The following GRIA3 variants were observed in gnomAD, a reference collection of about 807,000 sequenced individuals.
The protein encoded by GRIA3 is glutamate ionotropic receptor AMPA type subunit 3.
In GRIA3, 3 loss-of-function variants were observed where a neutral mutation model predicts 63.0. That is an observed-to-expected ratio of 0.05 (90% CI 0.02 to 0.12). GRIA3 has a LOEUF of 0.12. GRIA3 is among the 10% of genes least tolerant of loss of function. The pLI is 1.00. For missense variants in GRIA3, 347 were observed against 700.9 expected (o/e 0.50, Z 5.70); for synonymous variants, 274 against 257.9 (o/e 1.06, Z -0.60).
chrX:123,377,644 C>T (rs1250804767), intron 5 of GRIA3, among the ~76,000 whole-genome samples: 4 of 112,032 alleles, frequency 3.6e-5, no homozygotes, highest in Non-Finnish European at 7.5e-5. Flanking sequence ...AGTGAAATTC[C>T]TTAAAATAAT....
chrX:123,426,162 G>A (rs186238021), intron 11 of GRIA3, among the ~76,000 whole-genome samples: 57 of 111,560 alleles, frequency 5.1e-4, no homozygotes, highest in African/African-American at 1.3e-3. Context: ...AGAACATAGC[G>A]TAACTAGGAT....
Position 123,273,212 on chromosome X carries a change from C to T in GRIA3, c.508+19670C>T, listed in dbSNP as rs970956358. On this transcript the variant is annotated intron_variant, in intron 3 of 15. Transcript: ENST00000620443. Reference sequence around the variant, plus strand: ...TGATATTCCTAGCTTTCTTGTGGGACCATCTTCCCCTCTCAAGGAGAACAG... The same window carrying T: ...TGATATTCCTAGCTTTCTTGTGGGATCATCTTCCCCTCTCAAGGAGAACAG... Among the ~76,000 whole-genome samples the T allele has an allele frequency of 4.5e-5, 5 of 111,695 alleles. No homozygotes were observed. In the East Asian group the frequency reaches 1.4e-3, roughly 32 times the overall value.
At chrX:123,377,534 C>T (rs1439385342) in intron 5 of GRIA3, among the ~76,000 whole-genome samples, 1 of 112,349 alleles carries the variant, frequency 8.9e-6, no homozygotes, top group East Asian at 2.8e-4. Flanking sequence ...TTAAAATTAT[C>T]TCTGTAACAT....
intron 2 of GRIA3, among the ~76,000 whole-genome samples, chrX:123,246,898 C>T (rs1277319707): frequency 9.6e-6 from 1 of 104,270 alleles, no homozygotes; most frequent in Non-Finnish European, 2.0e-5. Flanking sequence ...AAAAAAACCA[C>T]GAGTTGTCTA....
chrX:123,456,798 G>C (rs748976062), intron 12 of GRIA3, among the ~76,000 whole-genome samples: 1 of 111,333 alleles, frequency 9.0e-6, no homozygotes, highest in Non-Finnish European at 1.9e-5. Flanking sequence ...AATTCTGTGA[G>C]GCAACATTTG....
intron 5 of GRIA3, among the ~76,000 whole-genome samples, chrX:123,362,513 C>A (rs4825857): frequency 0.38 from 42,169 of 109,812 alleles, 6,144 homozygotes; most frequent in Middle Eastern, 0.55. Context: ...AGTCAGAAGG[C>A]AATTTTGGGT....
At chrX:123,365,124 T>C (rs763342820) in intron 5 of GRIA3, among the ~76,000 whole-genome samples, 23 of 111,984 alleles carry the variant, frequency 2.1e-4, no homozygotes, top group Admixed American at 9.5e-4. Flanking sequence ...CCTTAAAAAA[T>C]TGTAGGTAAG....
chrX:123,490,069 T>TA lies in GRIA3; in HGVS notation c.*1360dup, dbSNP rs1048287530. 2 of 112,045 alleles carry TA rather than the reference T, an allele frequency of 1.8e-5. No homozygotes were observed. Among genetic ancestry groups the TA allele is most frequent in the African/African-American group, 6.5e-5 (2 of 30,755 alleles). The allele number at this position is 112,045 out of a possible 1,213,427, so 9.2% of individuals were successfully genotyped here. A position where few individuals can be genotyped will look rare whatever the true frequency, so the allele number is the denominator to read the frequency against. Reference sequence around the variant, plus strand: ...GCATCATCAGAACAGTCCGAAGAAATAGTCTCCACTCACTAATTACCTCCT... The same window carrying TA: ...GCATCATCAGAACAGTCCGAAGAAATAAGTCTCCACTCACTAATTACCTCCT... On this transcript the variant is annotated 3_prime_UTR_variant, in exon 16 of 16. Coordinates refer to ENST00000620443, the MANE Select transcript of GRIA3 (RefSeq NM_007325.5).
rs1229083772 is a variant in GRIA3, at chrX:123,476,129, T to TAATA, written c.2325-3932_2325-3931insTAAA. Among the ~76,000 whole-genome samples the TAATA allele has an allele frequency of 3.6e-5, 4 of 111,654 alleles. 1 individual carries two copies. Among genetic ancestry groups the TAATA allele is most frequent in the Non-Finnish European group, 7.5e-5 (4 of 53,156 alleles). On this transcript the variant is annotated intron_variant, in intron 13 of 15. Transcript: ENST00000620443. ...AGTTATTGATTTGACAAGTATTTAT[T>TAATA]AAGAAAAATATCCTAAATGGAGATA...
chrX:123,233,658 G>A (rs2044287404), intron 2 of GRIA3, among the ~76,000 whole-genome samples: 1 of 111,753 alleles, frequency 8.9e-6, no homozygotes, highest in African/African-American at 3.3e-5. Flanking sequence ...AGATCTGCCT[G>A]CAGTTACCAA....
intron 2 of GRIA3, chrX:123,204,569 C>T (rs1038957251): frequency 1.7e-6 from 2 of 1,151,084 alleles, no homozygotes; most frequent in Non-Finnish European, 2.3e-6. Context: ...ATTTTAGAGA[C>T]AGAAGAAACT....
At chrX:123,306,220 A>G (rs1383502932) in intron 3 of GRIA3, among the ~76,000 whole-genome samples, 1 of 111,282 alleles carries the variant, frequency 9.0e-6, no homozygotes, top group Non-Finnish European at 1.9e-5. Flanking sequence ...TACAGTCACT[A>G]CTCTAGCTTT....
intron 7 of GRIA3, among the ~76,000 whole-genome samples, chrX:123,400,668 T>G (rs2147382309): frequency 8.9e-6 from 1 of 112,249 alleles, no homozygotes; most frequent in Non-Finnish European, 1.9e-5. Context: ...GGGGCCTGTT[T>G]TAATGAATAA....
rs762513360 is a variant in GRIA3, at chrX:123,256,337, C to CA, written c.508+2802dup. Among the ~76,000 whole-genome samples, 506 of 110,669 alleles carry CA rather than the reference C, an allele frequency of 4.6e-3. 2 individuals carry two copies. Among genetic ancestry groups the CA allele is most frequent in the Non-Finnish European group, 7.6e-3 (402 of 52,854 alleles). ...GATAGACAAAAACCAAGTAAATTAA[C>CA]AAAAAAACAATTGCACATTTAAATA... On this transcript the variant is annotated intron_variant, in intron 3 of 15. Transcript: ENST00000620443.
intron 11 of GRIA3, among the ~76,000 whole-genome samples, chrX:123,427,018 G>C (rs1343649406): frequency 9.0e-6 from 1 of 111,630 alleles, no homozygotes; most frequent in Non-Finnish European, 1.9e-5. Context: ...CTTGGAGTCT[G>C]CCCTGAGTGG....
intron 4 of GRIA3, among the ~76,000 whole-genome samples, chrX:123,352,372 A>G (rs1314272038): frequency 8.9e-6 from 1 of 112,492 alleles, no homozygotes. Context: ...AAGCCACCGC[A>G]CCCAGCCTCA....
intron 11 of GRIA3, among the ~76,000 whole-genome samples, chrX:123,424,470 C>T: frequency 8.9e-6 from 1 of 111,832 alleles, no homozygotes; most frequent in East Asian, 2.8e-4. Flanking sequence ...TTTGTCTAAG[C>T]TACTACTGTT....
intron 5 of GRIA3, among the ~76,000 whole-genome samples, chrX:123,374,766 G>A (rs1446522781): frequency 9.0e-6 from 1 of 111,684 alleles, no homozygotes; most frequent in Non-Finnish European, 1.9e-5. Context: ...AGATGATGGG[G>A]TTTTCTAAAT....
intron 12 of GRIA3, among the ~76,000 whole-genome samples, chrX:123,464,437 C>G (rs749327573): frequency 8.9e-6 from 1 of 111,876 alleles, no homozygotes; most frequent in African/African-American, 3.2e-5. Context: ...ACTAAAATAG[C>G]TGTACACTAC....
Sources: gnomAD v4.1 joint callset for allele counts (sites outside exome capture counted in the v4.1 genomes callset) on GRCh38, gnomAD v4.1.1 for gene constraint, MANE v1.5 for transcripts, NCBI Gene and HGNC (gene_info 2026-07-23, HGNC 2026-07-21) for gene names.